Variants in TFB2M observed in about 807,000 individuals in gnomAD.
TFB2M encodes transcription factor B2, mitochondrial, also known as dimethyladenosine transferase 2, mitochondrial.
TFB2M carries 44 observed loss-of-function variants against 41.3 expected under a neutral mutation model. That is an observed-to-expected ratio of 1.07 (90% CI 0.84 to 1.37). The LOEUF (loss-of-function observed/expected upper bound fraction) is 1.37. Among genes scored for constraint, TFB2M ranks in the 40% most tolerant of loss-of-function variants. The pLI, the probability that TFB2M is intolerant of heterozygous loss-of-function variation, is 0.00. For synonymous variants in TFB2M, 188 were observed against 176.8 expected, an observed-to-expected ratio of 1.06 and a Z score of -0.50; for missense variants, 496 against 490.2, an observed-to-expected ratio of 1.01 and a Z score of -0.11.
intron 6 of TFB2M, among the ~76,000 whole-genome samples, chr1:246,546,327 A>AAAAAAAGAAAAAAT (rs1659018418): frequency 2.0e-5 from 3 of 151,198 alleles, no homozygotes; most frequent in Non-Finnish European, 4.4e-5. Context: ...AAAGAAAAAA[A>AAAAAAAGAAAAAAT]AATAGGCTGG....
At chr1:246,559,953 T>C (rs1572091784) in intron 2 of TFB2M, among the ~76,000 whole-genome samples, 1 of 152,188 alleles carries the variant, frequency 6.6e-6, no homozygotes, top group African/African-American at 2.4e-5. Flanking sequence ...ACCTACCTAA[T>C]GCATACGATT....
At chr1:246,545,029 T>A (rs932796319) in intron 6 of TFB2M, among the ~76,000 whole-genome samples, 3 of 150,030 alleles carry the variant, frequency 2.0e-5, no homozygotes, top group Non-Finnish European at 4.4e-5. Context: ...ATGGTCTCGA[T>A]CTCCTGACCT....
chr1:246,542,034 A>T (rs1225225454), intron 7 of TFB2M, among the ~76,000 whole-genome samples: 1 of 152,208 alleles, frequency 6.6e-6, no homozygotes, highest in Non-Finnish European at 1.5e-5. Context: ...CTTAGGATAT[A>T]TGGCATAGCC....
At position 246,548,597 on chromosome 1, in the gene TFB2M, G is replaced by T; in HGVS notation, c.806C>A (p.Ser269Ter). The T allele has an allele frequency of 1.2e-6, 2 of 1,612,994 alleles. No individual in the cohort carries two copies. The highest frequency in any genetic ancestry group is 2.2e-5 in the South Asian group (2 of 90,952). Residue 269 changes from serine to a stop codon, truncating the protein, a stop_gained, in exon 6 of 8, where the codon TCA (serine) becomes TAA (stop). Coordinates refer to ENST00000366514, the MANE Select transcript of TFB2M (RefSeq NM_022366.3). LOFTEE classifies it high-confidence loss of function. ...TTTCCGGGTGTATATATCAAATGATGACCAAGGCTCCTGGGGAAGAAAAAC... is the reference window on the plus strand; with the variant it reads ...TTTCCGGGTGTATATATCAAATGATTACCAAGGCTCCTGGGGAAGAAAAAC... Reference protein sequence around the residue: ...EIKVLHMEPWSSFDIYTRKGP... With the variant: ...EIKVLHMEPW
intron 3 of TFB2M, 146 bp from the exon 4 acceptor site, chr1:246,556,867 G>T (rs1268238414): frequency 5.6e-6 from 4 of 713,796 alleles, no homozygotes; most frequent in Non-Finnish European, 8.6e-6. Flanking sequence ...TCTTTCCTTG[G>T]CATGAAACTT....
chr1:246,554,384 G>A (rs190274048), intron 4 of TFB2M, among the ~76,000 whole-genome samples: 5 of 152,248 alleles, frequency 3.3e-5, no homozygotes, highest in Non-Finnish European at 4.4e-5. Flanking sequence ...CAGGCGAGGC[G>A]TCATCCGTAT....
chr1:246,561,341 C>T (rs964202198), intron 2 of TFB2M, among the ~76,000 whole-genome samples: 20 of 152,300 alleles, frequency 1.3e-4, no homozygotes, highest in Non-Finnish European at 2.9e-4. Context: ...TTTTAGCTGA[C>T]ATTTATAGCT....
At position 246,563,897 on chromosome 1, in the gene TFB2M, C is replaced by A. The variant is rs1476736844; in HGVS notation, c.402+449G>T. 1.3e-3 allele frequency among the ~76,000 whole-genome samples: 200 copies of A among 152,290 alleles called. 1 individual carries two copies. The highest frequency in any genetic ancestry group is 4.6e-3 in the African/African-American group (191 of 41,556). Reference sequence around the variant, plus strand: ...TTTGAAATCCAAAACAGTTGTGTTCCCAAGCATTTCAGATAAAATACTTAA... The same window carrying A: ...TTTGAAATCCAAAACAGTTGTGTTCACAAGCATTTCAGATAAAATACTTAA... On this transcript the variant is annotated intron_variant, in intron 2 of 7. Transcript: ENST00000366514.
intron 2 of TFB2M, among the ~76,000 whole-genome samples, chr1:246,559,697 T>C (rs1659409470): frequency 6.6e-6 from 1 of 152,160 alleles, no homozygotes; most frequent in South Asian, 2.1e-4. Context: ...GTGATCTAGG[T>C]AGAGGTGCCA....
chr1:246,544,536 A>G lies in TFB2M; in HGVS notation c.1004T>C (p.Val335Ala). The change falls in exon 7 of 8, where the codon GTA becomes GCA. Residue 335 changes from valine (V) to alanine (A), a missense_variant. Val to Ala is a moderately conservative substitution (Grantham distance 64). Transcript: ENST00000366514. ...TTTTACTCACCGTAAGTGGTCTATT[A>G]CAGTGGCGCTGCGCCTCCCAAAACA... is the stretch of plus-strand genomic sequence containing the variant. ...KHCFGRRSAT[V>A]IDHLRSLTPL... 1.9e-6 allele frequency: 3 copies of G among 1,604,732 alleles called. No homozygotes were observed. The highest frequency in any genetic ancestry group is 1.3e-5 in the African/African-American group (1 of 74,332).
chr1:246,560,515 C>A (rs997396038), intron 2 of TFB2M, among the ~76,000 whole-genome samples: 8 of 152,074 alleles, frequency 5.3e-5, no homozygotes, highest in African/African-American at 1.9e-4. Context: ...GGGAGTGAGA[C>A]CCTGTCTCAA....
intron 2 of TFB2M, among the ~76,000 whole-genome samples, chr1:246,561,727 C>T (rs1046747354): frequency 2.0e-5 from 3 of 152,182 alleles, no homozygotes; most frequent in African/African-American, 7.2e-5. Context: ...CCTTGGCCTC[C>T]CAAAGTGCTG....
Position 246,562,490 on chromosome 1 carries a change from T to C in TFB2M, c.402+1856A>G, listed in dbSNP as rs182349287. ...GAAATGCTCCAAAATGTGAAACTTTTTGAGTGTCAACATGAAGCCAAAAGT... is the reference window on the plus strand; with the variant it reads ...GAAATGCTCCAAAATGTGAAACTTTCTGAGTGTCAACATGAAGCCAAAAGT... On this transcript the variant is annotated intron_variant, in intron 2 of 7. Coordinates refer to ENST00000366514, the MANE Select transcript of TFB2M (RefSeq NM_022366.3). Among the ~76,000 whole-genome samples, 199 of 152,326 alleles carry C rather than the reference T, an allele frequency of 1.3e-3. 1 individual carries two copies. The highest frequency in any genetic ancestry group is 4.6e-3 in the African/African-American group (190 of 41,576).
chr1:246,555,412 A>T (rs1414475135), intron 4 of TFB2M, among the ~76,000 whole-genome samples: 1 of 151,988 alleles, frequency 6.6e-6, no homozygotes, highest in Non-Finnish European at 1.5e-5. Context: ...ACATGGCAAG[A>T]CCCTATCGCT....
rs570024095 is a variant in TFB2M, at chr1:246,546,547, G to C, written c.859-1866C>G. 3.3e-5 allele frequency among the ~76,000 whole-genome samples: 5 copies of C among 151,946 alleles called. No individual in the cohort carries two copies. In the South Asian group the frequency reaches 1.0e-3, roughly 32 times the overall value. The stretch of plus-strand genomic sequence containing the variant: ...GAGAAACACTTGAACTCGGGAGGTA[G>C]GGGTTGCAATGAGCCAAGATCATGC... On this transcript the variant is annotated intron_variant, in intron 6 of 7. Transcript: ENST00000366514.
intron 7 of TFB2M, among the ~76,000 whole-genome samples, chr1:246,544,284 T>G (rs1658938961): frequency 6.6e-6 from 1 of 152,122 alleles, no homozygotes; most frequent in Non-Finnish European, 1.5e-5. Context: ...TCAAAAAGAT[T>G]AAACAATCTG....
intron 6 of TFB2M, 103 bp downstream of exon 6, chr1:246,548,441 TA>T: frequency 1.1e-6 from 1 of 931,592 alleles, no homozygotes; most frequent in Non-Finnish European, 1.6e-6. Context: ...CTAGATATTT[TA>T]AAATTAAAAA....
intron 4 of TFB2M, among the ~76,000 whole-genome samples, chr1:246,555,907 T>TA (rs1046894347): frequency 1.7e-3 from 260 of 152,184 alleles, no homozygotes; most frequent in African/African-American, 6.1e-3. Context: ...TCTCCTGTTT[T>TA]AGCCTCCCAA....
At chr1:246,562,656 G>C (rs1281830592) in intron 2 of TFB2M, among the ~76,000 whole-genome samples, 1 of 151,888 alleles carries the variant, frequency 6.6e-6, no homozygotes, top group Non-Finnish European at 1.5e-5. Flanking sequence ...TGACTCCATA[G>C]GGAACTTTTT....
Sources: allele counts gnomAD v4.1 joint callset (sites outside exome capture counted in the v4.1 genomes callset), GRCh38; gene constraint gnomAD v4.1.1; transcripts MANE v1.5; gene names NCBI Gene and HGNC (gene_info 2026-07-23, HGNC 2026-07-21).